The following FOXN1 variants were observed in gnomAD, a reference collection of about 807,000 sequenced individuals.
The protein encoded by FOXN1 is forkhead box N1.
A neutral mutation model predicts 49.0 loss-of-function variants in FOXN1; 15 were observed. The ratio of observed to expected loss-of-function variants is 0.31; its 90% confidence interval spans 0.20 to 0.47. FOXN1 has a LOEUF of 0.47. FOXN1 is among the 20% of genes least tolerant of loss of function. The probability of loss-of-function intolerance (pLI) is 1.00; values close to 1 mark genes in which losing one functional copy is unlikely to be tolerated. For synonymous variants in FOXN1, 356 were observed against 369.0 expected, an observed-to-expected ratio of 0.96 and a Z score of 0.40; for missense variants, 800 against 842.8, an observed-to-expected ratio of 0.95 and a Z score of 0.63.
In FOXN1 at chr17:28,516,750, C is replaced by T. The variant is rs571409281; in HGVS notation, c.-14-7206C>T. ...CACCTCCACAGGGTACACACTTCCACAGGGTACACACCTCCACAGGATCCA... is the reference window on the plus strand; with the variant it reads ...CACCTCCACAGGGTACACACTTCCATAGGGTACACACCTCCACAGGATCCA... On this transcript the variant is annotated intron_variant, in intron 1 of 8. Coordinates refer to ENST00000579795, the MANE Select transcript of FOXN1 (RefSeq NM_001369369.1). Among the ~76,000 whole-genome samples, 11 of 140,888 alleles carry T rather than the reference C, an allele frequency of 7.8e-5. No individual in the cohort carries two copies. The East Asian group carries it at 2.2e-3, about 28-fold the overall frequency. The allele number at this position is 140,888 out of a possible 152,430, so 92.4% of individuals were successfully genotyped here.
chr17:28,508,239 G>C (rs1317470941), intron 1 of FOXN1, among the ~76,000 whole-genome samples: 1 of 152,184 alleles, frequency 6.6e-6, no homozygotes, highest in Non-Finnish European at 1.5e-5. Context: ...GAAAAATTAG[G>C]GGGCTTAGGA....
Position 28,517,394 on chromosome 17 carries a change from G to GTTCCATAGGGTACA in FOXN1, c.-14-6561_-14-6548dup, listed in dbSNP as rs1260814132. Among the ~76,000 whole-genome samples the GTTCCATAGGGTACA allele has an allele frequency of 8.5e-5, 10 of 117,714 alleles. No homozygotes were observed. In the East Asian group the frequency reaches 2.5e-3, roughly 29 times the overall value. The allele number at this position is 117,714 out of a possible 152,430, so 77.2% of individuals were successfully genotyped here. ...GGCAGACACCTCCACAGGATCCATAGTTCCATAGGGTACACACCTCCACAG... is the reference window on the plus strand; with the variant it reads ...GGCAGACACCTCCACAGGATCCATAGTTCCATAGGGTACATTCCATAGGGTACACACCTCCACAG... On this transcript the variant is annotated intron_variant, in intron 1 of 8. Coordinates refer to ENST00000579795, the MANE Select transcript of FOXN1 (RefSeq NM_001369369.1).
intron 3 of FOXN1, among the ~76,000 whole-genome samples, 186 bp from the exon 4 acceptor site, chr17:28,527,065 G>A (rs930024598): frequency 6.6e-6 from 1 of 152,124 alleles, no homozygotes; most frequent in East Asian, 1.9e-4. Context: ...TTCCAGCCCC[G>A]GCTCTACCAC....
chr17:28,534,316 G>T lies in FOXN1; in HGVS notation c.928-15G>T. ...TGAGCCTGGCCTGAATGCTTGTCTTGCTCTGTTCCGGCAGACAGCACCCGA... is the reference window on the plus strand; with the variant it reads ...TGAGCCTGGCCTGAATGCTTGTCTTTCTCTGTTCCGGCAGACAGCACCCGA... On this transcript the variant is annotated splice_polypyrimidine_tract_variant and intron_variant, in intron 6 of 8. Coordinates refer to ENST00000579795, the MANE Select transcript of FOXN1 (RefSeq NM_001369369.1). This position sits in a 1 kb window ranked among gnomAD's most constrained non-coding sequence, Gnocchi z 4.1. 6.2e-7 allele frequency: 1 copy of T among 1,614,088 alleles called. No homozygotes were observed. Among genetic ancestry groups the T allele is most frequent in the Non-Finnish European group, 8.5e-7 (1 of 1,180,014 alleles).
At position 28,535,218 on chromosome 17, in the gene FOXN1, G is replaced by C; in HGVS notation, c.1627+20G>C. ...TCCAGGGTGAGCTGGGGGTGGGAAA[G>C]GGAAGGTGGGACAGGACTGGAGAGG... On this transcript the variant is annotated intron_variant, in intron 8 of 8. Coordinates refer to ENST00000579795, the MANE Select transcript of FOXN1 (RefSeq NM_001369369.1). 1 of 1,610,838 alleles carries C rather than the reference G, an allele frequency of 6.2e-7. No homozygotes were observed.
intron 3 of FOXN1, among the ~76,000 whole-genome samples, chr17:28,526,995 A>G (rs560303935): frequency 5.3e-5 from 8 of 152,264 alleles, no homozygotes; most frequent in Admixed American, 2.0e-4. Flanking sequence ...CTGACTTCTC[A>G]GGACAGCCCA....
intron 1 of FOXN1, among the ~76,000 whole-genome samples, chr17:28,516,822 A>G (rs1488204958): frequency 2.1e-4 from 13 of 61,594 alleles, no homozygotes; most frequent in African/African-American, 3.1e-4. Flanking sequence ...CCTCCACAGG[A>G]TACACACCTC....
rs756693943 is a variant in FOXN1, at chr17:28,534,824, G to A, written c.1253G>A (p.Gly418Asp). 34 of 1,613,780 alleles carry A rather than the reference G, an allele frequency of 2.1e-5. No individual in the cohort carries two copies. In the South Asian group the frequency reaches 3.7e-4, roughly 18 times the overall value. ...GPIRPLAPPAGLSPPLHSLHP... is the reference protein window; with the variant it reads ...GPIRPLAPPADLSPPLHSLHP... ...ATCCGGCCCCTGGCACCCCCAGCTG[G>A]CCTCTCCCCACCACTGCACTCACTC... Residue 418 changes from glycine (G) to aspartate (D), a missense_variant, in exon 8 of 9, where the codon GGC becomes GAC. Transcript: ENST00000579795. This position sits in a 1 kb window ranked among gnomAD's most constrained non-coding sequence, Gnocchi z 4.1.
rs755313232 is a variant in FOXN1, at chr17:28,537,285, C to T, written c.1796C>T (p.Ala599Val). Residue 599 changes from alanine to valine, a missense_variant, in exon 9 of 9, where the codon GCC (alanine) becomes GTC (valine). Physicochemically the swap from Ala to Val is moderately conservative, Grantham distance 64 (BLOSUM62 0). Coordinates refer to ENST00000579795, the MANE Select transcript of FOXN1 (RefSeq NM_001369369.1). ...ETGSGAGDLA[A>V]PGSGGSGALG... ...GGCAGTGGGGCAGGTGACTTGGCAGCCCCGGGCAGTGGTGGCTCCGGGGCA... is the reference window on the plus strand; with the variant it reads ...GGCAGTGGGGCAGGTGACTTGGCAGTCCCGGGCAGTGGTGGCTCCGGGGCA... The T allele has an allele frequency of 6.2e-6, 10 of 1,613,806 alleles. No individual in the cohort carries two copies. The highest frequency in any genetic ancestry group is 3.3e-5 in the Admixed American group (2 of 59,992).
chr17:28,524,136 G>C (rs528150995), intron 2 of FOXN1, 44 bp downstream of exon 2: 20 of 1,539,694 alleles, frequency 1.3e-5, no homozygotes, highest in Non-Finnish European at 1.7e-5. Flanking sequence ...CAAGGCCTGC[G>C]GCTGCCCAGG....
chr17:28,530,174 A>T (rs2069876745), intron 5 of FOXN1, among the ~76,000 whole-genome samples: 1 of 152,178 alleles, frequency 6.6e-6, no homozygotes, highest in Non-Finnish European at 1.5e-5. Flanking sequence ...CCCAGAACTT[A>T]AAGTATAATA....
intron 8 of FOXN1, among the ~76,000 whole-genome samples, chr17:28,535,764 C>A (rs1210318253): frequency 6.6e-6 from 1 of 152,156 alleles, no homozygotes; most frequent in Non-Finnish European, 1.5e-5. Flanking sequence ...AACAAAAAAA[C>A]CACTCTCAGC....
In FOXN1 at chr17:28,534,452, C is replaced by T. The variant is rs771407322; in HGVS notation, c.1049C>T (p.Pro350Leu). The T allele has an allele frequency of 6.8e-6, 11 of 1,613,958 alleles. No homozygotes were observed. Among genetic ancestry groups the T allele is most frequent in the Non-Finnish European group, 7.6e-6 (9 of 1,180,006 alleles). Residue 350 changes from proline to leucine, a missense_variant, in exon 7 of 9, where the codon CCG (proline) becomes CTG (leucine). Around this residue, in one of 3 missense-constraint regions of FOXN1, gnomAD observed 73 missense variants for 118.9 expected, o/e 0.61. Coordinates refer to ENST00000579795, the MANE Select transcript of FOXN1 (RefSeq NM_001369369.1). The surrounding 1 kb of genome is among the most constrained non-coding windows in gnomAD (Gnocchi z 4.1). Reference sequence around the variant, plus strand: ...AAGGGCTGCCTGTGGGCCCTCAATCCGGCCAAGATCGACAAGATGCAAGAG... The same window carrying T: ...AAGGGCTGCCTGTGGGCCCTCAATCTGGCCAAGATCGACAAGATGCAAGAG... ...SRKGCLWALN[P>L]AKIDKMQEEL...
chr17:28,537,430 G>T lies in FOXN1; in HGVS notation c.1941G>T (p.Leu647=), dbSNP rs1467582978. 1 of 1,612,264 alleles carries T rather than the reference G, an allele frequency of 6.2e-7. No homozygotes were observed. Among genetic ancestry groups the T allele is most frequent in the Admixed American group, 1.7e-5 (1 of 60,008 alleles). Residue 647 remains leucine (L), a synonymous_variant, in exon 9 of 9, where the codon CTG becomes CTT. Coordinates refer to ENST00000579795, the MANE Select transcript of FOXN1 (RefSeq NM_001369369.1). ...GCCCCAGCTCCAAGCCCGTGGCCCTGGCATGAGCTGTGCCCAGCTTCGTCA... is the reference window on the plus strand; with the variant it reads ...GCCCCAGCTCCAAGCCCGTGGCCCTTGCATGAGCTGTGCCCAGCTTCGTCA... ...YLSPSSKPVA[L]A
intron 2 of FOXN1, 123 bp downstream of exon 2, chr17:28,524,215 C>G (rs564727382): frequency 2.0e-6 from 2 of 1,008,480 alleles, no homozygotes; most frequent in Admixed American, 2.5e-5. Flanking sequence ...CCTCCACCAG[C>G]AAACAAGTCC....
rs79861097 is a variant in FOXN1, at chr17:28,527,383, C to A, written c.699+22C>A. On this transcript the variant is annotated intron_variant, in intron 4 of 8. Coordinates refer to ENST00000579795, the MANE Select transcript of FOXN1 (RefSeq NM_001369369.1). Reference sequence around the variant, plus strand: ...CCAGGTGGGTCTGGGGCAAGTGGGCCTGCTTCCCCCAGGTCTGAGGATATC... The same window carrying A: ...CCAGGTGGGTCTGGGGCAAGTGGGCATGCTTCCCCCAGGTCTGAGGATATC... 2.0e-3 allele frequency: 2,766 copies of A among 1,375,292 alleles called. 43 individuals are homozygous for A. The African/African-American group carries it at 0.035, about 17-fold the overall frequency. 85.2% of individuals were successfully genotyped at this position (1,375,292 alleles called of 1,614,324 possible).
chr17:28,532,766 T>A (rs1206915588), intron 6 of FOXN1, among the ~76,000 whole-genome samples: 1 of 152,170 alleles, frequency 6.6e-6, no homozygotes, highest in Non-Finnish European at 1.5e-5. Context: ...TGGGGAAGTG[T>A]CCAGCCACTG....
Position 28,537,151 on chromosome 17 carries a change from G to T in FOXN1, c.1662G>T (p.Leu554Phe), listed in dbSNP as rs1300939596. ...GGGAACAGTTGAAGGATGATAGCTTGGCCCTCGACCCCCTGGTACTGGTGA... is the reference window on the plus strand; with the variant it reads ...GGGAACAGTTGAAGGATGATAGCTTTGCCCTCGACCCCCTGGTACTGGTGA... Reference protein sequence around the residue: ...NLWEQLKDDSLALDPLVLVTS... With the variant: ...NLWEQLKDDSFALDPLVLVTS... Residue 554 changes from leucine (L) to phenylalanine (F), a missense_variant, in exon 9 of 9, where the codon TTG becomes TTT. This residue lies in a region of FOXN1 where 344 missense variants were observed against 366.1 expected (regional missense o/e 0.94). Coordinates refer to ENST00000579795, the MANE Select transcript of FOXN1 (RefSeq NM_001369369.1). 1.9e-6 allele frequency: 3 copies of T among 1,614,036 alleles called. No individual in the cohort carries two copies. The highest frequency in any genetic ancestry group is 1.6e-4 in the Middle Eastern group (1 of 6,062).
chr17:28,510,403 C>G (rs542528460), intron 1 of FOXN1, among the ~76,000 whole-genome samples: 1 of 151,902 alleles, frequency 6.6e-6, no homozygotes, highest in Non-Finnish European at 1.5e-5. Context: ...CACACGCGCA[C>G]GCACACACAC....
Sources: gnomAD v4.1 joint callset for allele counts (sites outside exome capture counted in the v4.1 genomes callset) on GRCh38, gnomAD v4.1.1 for gene constraint, gnomAD v4.1.1 regional missense constraint, Gnocchi (gnomAD v3.1) non-coding constraint, MANE v1.5 for transcripts, NCBI Gene and HGNC (gene_info 2026-07-23, HGNC 2026-07-21) for gene names.